The following GDF6 variants were observed in gnomAD, a reference collection of about 807,000 sequenced individuals.
GDF6 encodes the protein growth differentiation factor 6.
In GDF6, 3 loss-of-function variants were observed where a neutral mutation model predicts 32.4. That is an observed-to-expected ratio of 0.09 (90% CI 0.04 to 0.24). The LOEUF (loss-of-function observed/expected upper bound fraction) is 0.24, where lower values mean the gene tolerates loss of function less well. Among genes scored for constraint, GDF6 ranks in the 10% least tolerant of loss-of-function variants. The pLI is 1.00. For missense variants in GDF6, 589 were observed against 637.9 expected (o/e 0.92, Z 0.83); for synonymous variants, 296 against 295.3 (o/e 1.00, Z -0.03).
At chr8:96,156,979 G>C (rs1319312382) in intron 1 of GDF6, among the ~76,000 whole-genome samples, 2 of 152,196 alleles carry the variant, frequency 1.3e-5, no homozygotes, top group Non-Finnish European at 2.9e-5. Flanking sequence ...CTCGCTAGCT[G>C]TGTGACCTCG....
Position 96,160,045 on chromosome 8 carries a change from G to C in GDF6, c.406+242C>G, listed in dbSNP as rs115652629. The stretch of plus-strand genomic sequence containing the variant: ...CAACCACGCTGCCTTCTGCAAAAGA[G>C]GAAGAAGGAAAGAAGGGAGAGAGAA... On this transcript the variant is annotated intron_variant, in intron 1 of 1. Transcript: ENST00000287020. Among the ~76,000 whole-genome samples, 1,338 of 152,238 alleles carry C rather than the reference G, an allele frequency of 8.8e-3. 16 individuals carry two copies. Among genetic ancestry groups the C allele is most frequent in the African/African-American group, 0.03 (1,258 of 41,514 alleles).
chr8:96,158,656 G>T (rs1212904591), intron 1 of GDF6, among the ~76,000 whole-genome samples: 1 of 152,132 alleles, frequency 6.6e-6, no homozygotes, highest in South Asian at 2.1e-4. Flanking sequence ...GCCTCCTTCC[G>T]CAATTGTAGT....
rs1554571161 is a variant in GDF6 at position 96,144,291 on chromosome 8, A to AG, written c.*271_*272insC. The AG allele has an allele frequency of 2.5e-3, 1,234 of 487,368 alleles. 46 individuals are homozygous for AG. Among genetic ancestry groups the AG allele is most frequent in the African/African-American group, 0.023 (947 of 41,292 alleles). The allele number at this position is 487,368 out of a possible 1,614,324, so 30.2% of individuals were successfully genotyped here. Reference sequence around the variant, plus strand: ...GAGAGAGAGAGAGAGAGAGAGAGAGAAAACAGAACAAAAGAAATCCTCCTT... The same window carrying AG: ...GAGAGAGAGAGAGAGAGAGAGAGAGAGAAACAGAACAAAAGAAATCCTCCTT... On this transcript the variant is annotated 3_prime_UTR_variant, in exon 2 of 2. Coordinates refer to ENST00000287020, the MANE Select transcript of GDF6 (RefSeq NM_001001557.4). The surrounding 1 kb of genome is among the most constrained non-coding windows in gnomAD (Gnocchi z 5.1).
chr8:96,159,362 G>C (rs1026715349), intron 1 of GDF6, among the ~76,000 whole-genome samples: 3 of 152,244 alleles, frequency 2.0e-5, no homozygotes, highest in African/African-American at 7.2e-5. Flanking sequence ...TTTTCTTGAG[G>C]GCACTGGCCA....
At chr8:96,156,377 CCTCTCTCTCTCTCTCT>C (rs10569146) in intron 1 of GDF6, among the ~76,000 whole-genome samples, 1 of 140,774 alleles carries the variant, frequency 7.1e-6, no homozygotes, top group African/African-American at 2.7e-5. Context: ...TCTCTCTTTC[CCTCTCTCTCTCTCTCT>C]CTCTCTCTCT....
rs1812440627 is a variant in GDF6 at position 96,144,717 on chromosome 8, G to A, written c.1214C>T (p.Thr405Met). The A allele has an allele frequency of 2.5e-6, 4 of 1,614,186 alleles. No homozygotes were observed. Among genetic ancestry groups the A allele is most frequent in the Non-Finnish European group, 2.5e-6 (3 of 1,180,024 alleles). ...GCCGGGGTCCATGGAGTTCATCAGC[G>A]TCTGGATGATGGCGTGGTTGGTGGG... is the stretch of plus-strand genomic sequence containing the variant. ...LEPTNHAIIQ[T>M]LMNSMDPGST... Residue 405 changes from threonine to methionine, a missense_variant, in exon 2 of 2, where the codon ACG becomes ATG. Around this residue, in one of 2 missense-constraint regions of GDF6, gnomAD observed 153 missense variants for 226.7 expected, o/e 0.67. Coordinates refer to ENST00000287020, the MANE Select transcript of GDF6 (RefSeq NM_001001557.4). The surrounding 1 kb of genome is among the most constrained non-coding windows in gnomAD (Gnocchi z 5.1).
At chr8:96,146,741 C>A (rs1467381347) in intron 1 of GDF6, among the ~76,000 whole-genome samples, 1 of 145,216 alleles carries the variant, frequency 6.9e-6, no homozygotes, top group Non-Finnish European at 1.5e-5. Context: ...GAGACTTTCC[C>A]ATCTCTCCTC....
chr8:96,150,597 T>C (rs1812551881), intron 1 of GDF6, among the ~76,000 whole-genome samples: 1 of 152,212 alleles, frequency 6.6e-6, no homozygotes, highest in Admixed American at 6.5e-5. Context: ...AAACTAAAGC[T>C]CTAAGAGGTA....
chr8:96,157,184 T>C (rs570332515), intron 1 of GDF6, among the ~76,000 whole-genome samples: 94 of 152,334 alleles, frequency 6.2e-4, no homozygotes, highest in Admixed American at 1.5e-3. Context: ...GAGAGCATAC[T>C]GAAAGAAGGG....
intron 1 of GDF6, among the ~76,000 whole-genome samples, chr8:96,152,988 G>A (rs1812593903): frequency 6.6e-6 from 1 of 152,164 alleles, no homozygotes; most frequent in African/African-American, 2.4e-5. Context: ...AGAGTGGAGA[G>A]AAAGAAAAGA....
In GDF6 at chr8:96,145,207, C is replaced by T. The variant is rs755044459; in HGVS notation, c.724G>A (p.Ala242Thr). The T allele has an allele frequency of 1.9e-5, 28 of 1,501,994 alleles. No individual in the cohort carries two copies. In the South Asian group the frequency reaches 2.7e-4, roughly 15 times the overall value. The allele number at this position is 1,501,994 out of a possible 1,614,324, so 93.0% of individuals were successfully genotyped here. ...CGCGCGCGCGCCTCGGCCTCCCCGGCGTCCAGCTCGCCCCATGCGGCCCGC... is the reference window on the plus strand; with the variant it reads ...CGCGCGCGCGCCTCGGCCTCCCCGGTGTCCAGCTCGCCCCATGCGGCCCGC... ...ELRAAWGELD[A>T]GEAEARARGP... Residue 242 changes from alanine (A) to threonine (T), a missense_variant, in exon 2 of 2, where the codon GCC becomes ACC. Ala to Thr is a moderately conservative substitution (Grantham distance 58). This residue lies in a region of GDF6 where 436 missense variants were observed against 411.2 expected (regional missense o/e 1.06). Coordinates refer to ENST00000287020, the MANE Select transcript of GDF6 (RefSeq NM_001001557.4). The surrounding 1 kb of genome is among the most constrained non-coding windows in gnomAD (Gnocchi z 5.6).
intron 1 of GDF6, among the ~76,000 whole-genome samples, chr8:96,159,293 C>T (rs1031952902): frequency 3.3e-5 from 5 of 152,076 alleles, no homozygotes; most frequent in Admixed American, 6.5e-5. Context: ...CCTTTAGGAG[C>T]TTAGTTTCCG....
chr8:96,159,412 G>T (rs1812722503), intron 1 of GDF6, among the ~76,000 whole-genome samples: 1 of 152,222 alleles, frequency 6.6e-6, no homozygotes, highest in African/African-American at 2.4e-5. Context: ...GGGCCGCAAG[G>T]GTTTCCGCAG....
chr8:96,159,269 A>G (rs1812720338), intron 1 of GDF6, among the ~76,000 whole-genome samples: 1 of 150,642 alleles, frequency 6.6e-6, no homozygotes, highest in Admixed American at 6.6e-5. Context: ...CTCCTTCCAC[A>G]TTATTGTCTC....
rs2130209142 is a variant in GDF6, at chr8:96,145,732, C to T, written c.407-208G>A. On this transcript the variant is annotated intron_variant, in intron 1 of 1. Transcript: ENST00000287020. This position sits in a 1 kb window ranked among gnomAD's most constrained non-coding sequence, Gnocchi z 5.6. Reference sequence around the variant, plus strand: ...GGGGCGCGCCAGGACGGGCCCCCTCCTTCGCGTCAGCTCCGGACTCTCAGG... The same window carrying T: ...GGGGCGCGCCAGGACGGGCCCCCTCTTTCGCGTCAGCTCCGGACTCTCAGG... Among the ~76,000 whole-genome samples the T allele has an allele frequency of 6.6e-6, 1 of 152,264 alleles. No individual in the cohort carries two copies. Among genetic ancestry groups the T allele is most frequent in the Non-Finnish European group, 1.5e-5 (1 of 68,008 alleles).
Position 96,144,876 on chromosome 8 carries a change from A to T in GDF6, c.1055T>A (p.Leu352Gln). 1 of 1,613,826 alleles carries T rather than the reference A, an allele frequency of 6.2e-7. No homozygotes were observed. The part of the protein sequence containing the change: ...HGKRHGKKSR[L>Q]RCSKKPLHVN... ...GTGCAGGGGCTTCTTGCTGCAGCGT[A>T]GCCTGGACTTCTTGCCGTGCCGCTT... The change falls in exon 2 of 2, where the codon CTA becomes CAA. Residue 352 changes from leucine to glutamine, a missense_variant. Transcript: ENST00000287020. This position sits in a 1 kb window ranked among gnomAD's most constrained non-coding sequence, Gnocchi z 5.1.
At position 96,144,806 on chromosome 8, in the gene GDF6, G is replaced by A. The variant is rs777793495; in HGVS notation, c.1125C>T (p.Pro375=). 3.7e-6 allele frequency: 6 copies of A among 1,613,968 alleles called. No homozygotes were observed. The South Asian group carries it at 5.5e-5, about 15-fold the overall frequency. The change falls in exon 2 of 2, where the codon CCC becomes CCT. Residue 375 remains proline (P), a synonymous_variant. Coordinates refer to ENST00000287020, the MANE Select transcript of GDF6 (RefSeq NM_001001557.4). The surrounding 1 kb of genome is among the most constrained non-coding windows in gnomAD (Gnocchi z 5.1). Reference sequence around the variant, plus strand: ...CGCAGTGATAGGCCTCGTACTCCAGGGGCGCGATAATCCAGTCGTCCCAGC... The same window carrying A: ...CGCAGTGATAGGCCTCGTACTCCAGAGGCGCGATAATCCAGTCGTCCCAGC... ...ELGWDDWIIA[P]LEYEAYHCEG... is the part of the protein sequence containing the mutation.
At position 96,145,385 on chromosome 8, in the gene GDF6, C is replaced by T. The variant is rs528471783; in HGVS notation, c.546G>A (p.Gly182=). ...APSAPWGPPA[G]PLHVQLFPCL... is the part of the protein sequence containing the mutation. ...AAGGGAAGAGCTGCACGTGGAGCGGCCCGGCTGGTGGCCCCCAGGGCGCTG... is the reference window on the plus strand; with the variant it reads ...AAGGGAAGAGCTGCACGTGGAGCGGTCCGGCTGGTGGCCCCCAGGGCGCTG... The change falls in exon 2 of 2, where the codon GGG becomes GGA. Residue 182 remains glycine (G), a synonymous_variant. Transcript: ENST00000287020. This position sits in a 1 kb window ranked among gnomAD's most constrained non-coding sequence, Gnocchi z 5.6. 49 of 1,573,026 alleles carry T rather than the reference C, an allele frequency of 3.1e-5. No homozygotes were observed. The South Asian group carries it at 3.8e-4, about 12-fold the overall frequency.
At chr8:96,153,432 C>A (rs950893994) in intron 1 of GDF6, among the ~76,000 whole-genome samples, 3 of 152,202 alleles carry the variant, frequency 2.0e-5, no homozygotes, top group African/African-American at 7.2e-5. Context: ...GTACTGTTCC[C>A]GCGCTGAGCC....
Sources: gnomAD v4.1 joint callset for allele counts (sites outside exome capture counted in the v4.1 genomes callset) on GRCh38, gnomAD v4.1.1 for gene constraint, gnomAD v4.1.1 regional missense constraint, Gnocchi (gnomAD v3.1) non-coding constraint, MANE v1.5 for transcripts, NCBI Gene and HGNC (gene_info 2026-07-23, HGNC 2026-07-21) for gene names.